FPR3: variants seen among roughly 807,000 people sequenced by gnomAD.
FPR3 encodes the protein N-formyl peptide receptor 3.
For missense variants in FPR3, 346 were observed against 443.2 expected (o/e 0.78, Z 1.97); for synonymous variants, 135 against 163.6 (o/e 0.83, Z 1.34).
intron 1 of FPR3, among the ~76,000 whole-genome samples, chr19:51,813,903 T>C (rs924486269): frequency 6.6e-6 from 1 of 152,168 alleles, no homozygotes; most frequent in Non-Finnish European, 1.5e-5. Context: ...ATCTTCATCC[T>C]TCTGGCTCTG....
intron 1 of FPR3, among the ~76,000 whole-genome samples, chr19:51,821,691 T>C (rs1295612747): frequency 6.6e-6 from 1 of 152,044 alleles, no homozygotes; most frequent in East Asian, 1.9e-4. Flanking sequence ...AATGCAGCAT[T>C]TTAGAGTTGC....
chr19:51,800,758 TC>T (rs1227116292), intron 1 of FPR3, among the ~76,000 whole-genome samples: 1 of 152,194 alleles, frequency 6.6e-6, no homozygotes, highest in Non-Finnish European at 1.5e-5. Flanking sequence ...CATTTTTTTT[TC>T]TTTTTTGGTA....
intron 1 of FPR3, chr19:51,811,430 ACTT>A (rs2084095715): frequency 6.6e-6 from 1 of 152,042 alleles, no homozygotes; most frequent in African/African-American, 2.4e-5. Context: ...CATTCCCAGT[ACTT>A]CTTTAAGGAA....
At chr19:51,817,941 C>T (rs546839735) in intron 1 of FPR3, 1 of 152,154 alleles carries the variant, frequency 6.6e-6, no homozygotes, top group Admixed American at 6.5e-5. Context: ...ATCTACTTGC[C>T]AAATACAGCT....
chr19:51,798,420 T>G (rs763953571), intron 1 of FPR3, among the ~76,000 whole-genome samples: 1 of 152,076 alleles, frequency 6.6e-6, no homozygotes, highest in Non-Finnish European at 1.5e-5. Context: ...TGAGAAACCC[T>G]GAGCTACACT....
intron 1 of FPR3, among the ~76,000 whole-genome samples, chr19:51,815,784 C>A (rs2084131118): frequency 6.6e-6 from 1 of 151,260 alleles, no homozygotes; most frequent in African/African-American, 2.4e-5. Flanking sequence ...TCCCTTGAGC[C>A]CAGGGAAGTG....
chr19:51,803,529 A>G (rs989415288), intron 1 of FPR3, among the ~76,000 whole-genome samples: 2 of 151,522 alleles, frequency 1.3e-5, no homozygotes, highest in Admixed American at 1.3e-4. Flanking sequence ...AGTTCTGTGC[A>G]TTTCCAAGGC....
chr19:51,796,118 G>C (rs768158365), intron 1 of FPR3, among the ~76,000 whole-genome samples: 2 of 152,224 alleles, frequency 1.3e-5, no homozygotes, highest in Non-Finnish European at 2.9e-5. Context: ...GCTTTGCAGA[G>C]TGGGTGAGGT....
At chr19:51,807,957 A>G (rs1022493382) in intron 1 of FPR3, among the ~76,000 whole-genome samples, 7 of 152,260 alleles carry the variant, frequency 4.6e-5, no homozygotes, top group African/African-American at 1.7e-4. Flanking sequence ...GAACCATTCT[A>G]TTACTGTTAC....
In FPR3 at chr19:51,824,054, T is replaced by C. The variant is rs201037671; in HGVS notation, c.306T>C (p.His102=). The C allele has an allele frequency of 3.7e-5, 60 of 1,614,088 alleles. No individual in the cohort carries two copies. In the Middle Eastern group the frequency reaches 1.2e-3, roughly 31 times the overall value. Reference sequence around the variant, plus strand: ...GCTCATTCCTATGTAAGTTAGTTCATGTTATGATAGACATCAACCTGTTTG... The same window carrying C: ...GCTCATTCCTATGTAAGTTAGTTCACGTTATGATAGACATCAACCTGTTTG... The part of the protein sequence containing the change: ...PFGSFLCKLV[H]VMIDINLFVS... The change falls in exon 2 of 2, where the codon CAT becomes CAC. Residue 102 remains histidine, a synonymous_variant. Coordinates refer to ENST00000339223, the MANE Select transcript of FPR3 (RefSeq NM_002030.5). The surrounding 1 kb of genome is among the most constrained non-coding windows in gnomAD (Gnocchi z 4.7).
At chr19:51,823,176 A>G (rs2084203463) in intron 1 of FPR3, among the ~76,000 whole-genome samples, 1 of 152,108 alleles carries the variant, frequency 6.6e-6, no homozygotes, top group Admixed American at 6.6e-5. Context: ...AGCATGTAAT[A>G]TATGTCTATA....
At chr19:51,816,216 T>C (rs1372919479) in intron 1 of FPR3, among the ~76,000 whole-genome samples, 3 of 152,246 alleles carry the variant, frequency 2.0e-5, no homozygotes, top group African/African-American at 4.8e-5. Context: ...ACTTGCCCTA[T>C]GCATCTATTT....
intron 1 of FPR3, among the ~76,000 whole-genome samples, chr19:51,806,202 C>A (rs962516144): frequency 1.8e-4 from 27 of 152,274 alleles, no homozygotes; most frequent in African/African-American, 6.0e-4. Context: ...TGGCTCGTAC[C>A]GGAGGGACTG....
chr19:51,825,148 C>G lies in FPR3; in HGVS notation c.*338C>G, dbSNP rs774034054. 4.1e-6 allele frequency: 1 copy of G among 245,348 alleles called. No individual in the cohort carries two copies. The highest frequency in any genetic ancestry group is 8.4e-6 in the Non-Finnish European group (1 of 118,716). 15.2% of individuals were successfully genotyped at this position (245,348 alleles called of 1,614,324 possible). A position where few individuals can be genotyped will look rare whatever the true frequency, so the allele number is the denominator to read the frequency against. On this transcript the variant is annotated 3_prime_UTR_variant, in exon 2 of 2. Coordinates refer to ENST00000339223, the MANE Select transcript of FPR3 (RefSeq NM_002030.5). ...CAACCAGCTTCAATCAGGGTTCCCA[C>G]TACCCCCTCTTTGGGGGTAGAGTGG...
In FPR3 at chr19:51,795,203, T is replaced by A. The variant is rs1238280156; in HGVS notation, c.-139T>A. 1 of 152,222 alleles carries A rather than the reference T, an allele frequency of 6.6e-6. No individual in the cohort carries two copies. The highest frequency in any genetic ancestry group is 1.5e-5 in the Non-Finnish European group (1 of 68,050). The allele number at this position is 152,222 out of a possible 1,614,324, so 9.4% of individuals were successfully genotyped here. On this transcript the variant is annotated 5_prime_UTR_variant, in exon 1 of 2. Transcript: ENST00000339223. ...TAGCATGACAGGCTGTCTGATTCCATCTTTATAACCAAAGCCAATTAAGAT... is the reference window on the plus strand; with the variant it reads ...TAGCATGACAGGCTGTCTGATTCCAACTTTATAACCAAAGCCAATTAAGAT...
intron 1 of FPR3, among the ~76,000 whole-genome samples, chr19:51,807,014 G>A (rs890222494): frequency 5.3e-5 from 8 of 152,204 alleles, no homozygotes; most frequent in African/African-American, 1.7e-4. Flanking sequence ...TCTGTAACCT[G>A]TCTTTATGGT....
intron 1 of FPR3, among the ~76,000 whole-genome samples, chr19:51,800,060 T>A (rs2084019668): frequency 6.6e-6 from 1 of 152,196 alleles, no homozygotes; most frequent in Admixed American, 6.5e-5. Flanking sequence ...GATGACAGAA[T>A]GCTGGCTTCA....
intron 1 of FPR3, chr19:51,803,856 CT>C (rs1032174954): frequency 9.2e-5 from 14 of 152,048 alleles, no homozygotes; most frequent in Non-Finnish European, 2.1e-4. Context: ...TCCCTTTTTT[CT>C]TTTCCTCATT....
chr19:51,814,516 C>CA (rs1378864974), intron 1 of FPR3, among the ~76,000 whole-genome samples: 2 of 152,030 alleles, frequency 1.3e-5, no homozygotes, highest in African/African-American at 4.8e-5. Context: ...TGTTTTGAGA[C>CA]AGAGTCCAGC....
Sources: gnomAD v4.1 joint callset for allele counts (sites outside exome capture counted in the v4.1 genomes callset) on GRCh38, gnomAD v4.1.1 for gene constraint, Gnocchi (gnomAD v3.1) non-coding constraint, MANE v1.5 for transcripts, NCBI Gene and HGNC (gene_info 2026-07-23, HGNC 2026-07-21) for gene names.